Variants in FHIT observed in about 807,000 individuals in gnomAD.
The protein encoded by FHIT is bis(5'-adenosyl)-triphosphatase.
In FHIT, 19 loss-of-function variants were observed where a neutral mutation model predicts 17.9. The ratio of observed to expected loss-of-function variants is 1.06; its 90% CI spans 0.74 to 1.56. The LOEUF (loss-of-function observed/expected upper bound fraction) is 1.56. FHIT is among the 40% of genes most tolerant of loss of function. The pLI is 0.00. For missense variants in FHIT, 248 were observed against 189.2 expected, an observed-to-expected ratio of 1.31 and a Z score of -1.82; for synonymous variants, 81 against 69.7, an observed-to-expected ratio of 1.16 and a Z score of -0.81.
chr3:59,965,239 G>T (rs1426930420), intron 7 of FHIT, among the ~76,000 whole-genome samples: 2 of 152,078 alleles, frequency 1.3e-5, no homozygotes. Flanking sequence ...ACAGCTTGAA[G>T]TATGATATAT....
chr3:59,849,467 A>C (rs1701849457), intron 8 of FHIT, among the ~76,000 whole-genome samples: 1 of 152,204 alleles, frequency 6.6e-6, no homozygotes, highest in Non-Finnish European at 1.5e-5. Context: ...CCACAATCTC[A>C]TGGAGGCAAA....
chr3:60,647,744 T>C (rs1479944159), intron 4 of FHIT, among the ~76,000 whole-genome samples: 1 of 152,210 alleles, frequency 6.6e-6, no homozygotes, highest in East Asian at 1.9e-4. Flanking sequence ...TAGCCAACCT[T>C]TGTTCCAAAA....
intron 4 of FHIT, among the ~76,000 whole-genome samples, chr3:60,564,983 T>C (rs748184543): frequency 1.1e-4 from 16 of 152,182 alleles, no homozygotes; most frequent in Non-Finnish European, 1.9e-4. Flanking sequence ...TCAATCAGTA[T>C]GGCAAACTTC....
chr3:60,859,448 G>A (rs781988071), intron 3 of FHIT, among the ~76,000 whole-genome samples: 8 of 152,012 alleles, frequency 5.3e-5, no homozygotes, highest in Admixed American at 6.6e-5. Context: ...ATGCACACAG[G>A]TAGACCGCAT....
rs1704909704 is a variant in FHIT at position 60,880,473 on chromosome 3, C to T, written c.-110-58462G>A. ...AGAGGCTGAGCATGGTGGCTTACGCCTATAATCCCAGAATTTTGGGAGTCC... is the reference window on the plus strand; with the variant it reads ...AGAGGCTGAGCATGGTGGCTTACGCTTATAATCCCAGAATTTTGGGAGTCC... On this transcript the variant is annotated intron_variant, in intron 3 of 9. Coordinates refer to ENST00000492590, the MANE Select transcript of FHIT (RefSeq NM_002012.4). Among the ~76,000 whole-genome samples, 8 of 152,344 alleles carry T rather than the reference C, an allele frequency of 5.3e-5. No individual in the cohort carries two copies. The South Asian group carries it at 1.4e-3, about 28-fold the overall frequency.
chr3:59,753,942 G>T lies in FHIT; in HGVS notation c.349-1621C>A, dbSNP rs79912380. ...ACTGTTCCACTCCATTTTGAAAAAG[G>T]TCAACTTAACGATTAAAATATCGAC... On this transcript the variant is annotated intron_variant, in intron 8 of 9. Coordinates refer to ENST00000492590, the MANE Select transcript of FHIT (RefSeq NM_002012.4). Among the ~76,000 whole-genome samples the T allele has an allele frequency of 7.7e-3, 1,171 of 152,194 alleles. 8 individuals carry two copies. The highest frequency in any genetic ancestry group is 0.027 in the African/African-American group (1,109 of 41,524).
intron 2 of FHIT, among the ~76,000 whole-genome samples, chr3:61,187,922 A>G (rs1237252732): frequency 6.6e-6 from 1 of 152,246 alleles, no homozygotes; most frequent in Non-Finnish European, 1.5e-5. Flanking sequence ...TCTGGGACAC[A>G]TTCAAAGCAG....
intron 5 of FHIT, among the ~76,000 whole-genome samples, chr3:60,501,988 C>T (rs1055295017): frequency 1.3e-5 from 2 of 152,138 alleles, no homozygotes; most frequent in Non-Finnish European, 2.9e-5. Flanking sequence ...ATACAATGAC[C>T]CATGACTGAG....
intron 5 of FHIT, among the ~76,000 whole-genome samples, chr3:60,233,375 A>G (rs1029808099): frequency 1.3e-5 from 2 of 152,044 alleles, no homozygotes; most frequent in Non-Finnish European, 2.9e-5. Flanking sequence ...TAGGACCTTC[A>G]GACAGGCTCT....
At chr3:61,176,661 C>A (rs995139925) in intron 2 of FHIT, among the ~76,000 whole-genome samples, 1 of 152,196 alleles carries the variant, frequency 6.6e-6, no homozygotes, top group Non-Finnish European at 1.5e-5. Flanking sequence ...ACGTCTTCTC[C>A]AGCTTTCCAG....
chr3:61,078,796 T>G (rs2035044676), intron 2 of FHIT, among the ~76,000 whole-genome samples: 1 of 152,178 alleles, frequency 6.6e-6, no homozygotes, highest in Non-Finnish European at 1.5e-5. Context: ...AATAATTCAC[T>G]CACATTCAGA....
At chr3:59,954,944 G>T (rs959928724) in intron 7 of FHIT, among the ~76,000 whole-genome samples, 4 of 152,094 alleles carry the variant, frequency 2.6e-5, no homozygotes, top group Admixed American at 2.0e-4. Context: ...TCAATTTAAG[G>T]AACTAAAACA....
chr3:59,759,216 C>A (rs1226431638), intron 8 of FHIT, among the ~76,000 whole-genome samples: 1 of 151,758 alleles, frequency 6.6e-6, no homozygotes, highest in Non-Finnish European at 1.5e-5. Flanking sequence ...GGGGGGATGG[C>A]AGATCATTTG....
intron 8 of FHIT, among the ~76,000 whole-genome samples, chr3:59,811,763 T>C (rs1405481163): frequency 1.3e-5 from 2 of 151,990 alleles, no homozygotes; most frequent in Non-Finnish European, 1.5e-5. Flanking sequence ...CTAGAGTAAA[T>C]GGTTTTCATT....
At chr3:61,128,057 A>G (rs1403272813) in intron 2 of FHIT, among the ~76,000 whole-genome samples, 1 of 152,248 alleles carries the variant, frequency 6.6e-6, no homozygotes, top group African/African-American at 2.4e-5. Context: ...CTCTTTTGCA[A>G]GTATTTATTG....
intron 8 of FHIT, among the ~76,000 whole-genome samples, chr3:59,795,303 GA>G (rs1409767742): frequency 2.0e-5 from 3 of 151,418 alleles, no homozygotes; most frequent in African/African-American, 7.3e-5. Flanking sequence ...AGAACTGCTT[GA>G]ACCCTGGAGG....
chr3:60,568,910 T>G (rs568690907), intron 4 of FHIT, among the ~76,000 whole-genome samples: 3 of 152,250 alleles, frequency 2.0e-5, no homozygotes, highest in South Asian at 2.1e-4. Flanking sequence ...CCATACCATT[T>G]TGGGGACTTA....
At chr3:59,761,143 G>C (rs1701494357) in intron 8 of FHIT, among the ~76,000 whole-genome samples, 1 of 152,176 alleles carries the variant, frequency 6.6e-6, no homozygotes, top group Non-Finnish European at 1.5e-5. Flanking sequence ...AGTTGGGTCT[G>C]ATATGTCAGA....
At chr3:60,343,132 A>G (rs142508645) in intron 5 of FHIT, among the ~76,000 whole-genome samples, 2,023 of 152,274 alleles carry the variant, frequency 0.013, 39 homozygotes, top group African/African-American at 0.047. Context: ...ATGTAAATCA[A>G]TATACTAAAA....
Sources: allele counts gnomAD v4.1 joint callset (sites outside exome capture counted in the v4.1 genomes callset), GRCh38; gene constraint gnomAD v4.1.1; transcripts MANE v1.5; gene names NCBI Gene and HGNC (gene_info 2026-07-23, HGNC 2026-07-21).